The following GPRIN3 variants were observed in gnomAD, a reference collection of about 807,000 sequenced individuals.
GPRIN3 encodes the protein GPRIN family member 3.
In GPRIN3, 12 loss-of-function variants were observed where a neutral mutation model predicts 13.7. That is an observed-to-expected ratio of 0.87 (90% confidence interval 0.56 to 1.42). The LOEUF (loss-of-function observed/expected upper bound fraction) is 1.42, where lower values mean the gene tolerates loss of function less well. GPRIN3 is among the 40% of genes most tolerant of loss of function. The probability of loss-of-function intolerance (pLI) is 0.00; values close to 1 mark genes in which losing one functional copy is unlikely to be tolerated. For synonymous variants in GPRIN3, 377 were observed against 372.7 expected, an observed-to-expected ratio of 1.01 and a Z score of -0.13; for missense variants, 1,009 against 958.7, an observed-to-expected ratio of 1.05 and a Z score of -0.69.
chr4:89,249,685 C>A lies in GPRIN3; in HGVS notation c.426G>T (p.Gln142His). 1 of 1,614,128 alleles carries A rather than the reference C, an allele frequency of 6.2e-7. No individual in the cohort carries two copies. The highest frequency in any genetic ancestry group is 8.5e-7 in the Non-Finnish European group (1 of 1,179,970). The change falls in exon 2 of 2, where the codon CAG (glutamine) becomes CAT (histidine). Residue 142 changes from glutamine to histidine, a missense_variant. Transcript: ENST00000609438. Reference sequence around the variant, plus strand: ...GCATGGATGAGGTGATGGCATTGGGCTGATCACCTGGGATGGACTGGCAGG... The same window carrying A: ...GCATGGATGAGGTGATGGCATTGGGATGATCACCTGGGATGGACTGGCAGG... ...QHTCQSIPGD[Q>H]PNAITSSMPE...
At chr4:89,274,835 G>A (rs1724049018) in intron 1 of GPRIN3, among the ~76,000 whole-genome samples, 2 of 152,172 alleles carry the variant, frequency 1.3e-5, no homozygotes, top group South Asian at 2.1e-4. Flanking sequence ...ACATTTGTCA[G>A]CAATTGTCTC....
At chr4:89,276,685 T>C (rs1401028986) in intron 1 of GPRIN3, among the ~76,000 whole-genome samples, 1 of 152,206 alleles carries the variant, frequency 6.6e-6, no homozygotes, top group African/African-American at 2.4e-5. Flanking sequence ...CTATTATTCT[T>C]GTCAGGCCTA....
intron 1 of GPRIN3, among the ~76,000 whole-genome samples, chr4:89,290,820 G>C (rs1170002538): frequency 6.6e-6 from 1 of 152,102 alleles, no homozygotes; most frequent in Non-Finnish European, 1.5e-5. Flanking sequence ...CAGCTTCTGT[G>C]AGTATGAGGT....
At chr4:89,270,012 A>G (rs1031076080) in intron 1 of GPRIN3, among the ~76,000 whole-genome samples, 2 of 152,224 alleles carry the variant, frequency 1.3e-5, no homozygotes, top group African/African-American at 4.8e-5. Flanking sequence ...TAGCTTGAGT[A>G]TCTTTAATTC....
chr4:89,238,503 G>T lies in GPRIN3; in HGVS notation c.*9277C>A, dbSNP rs1376747988. On this transcript the variant is annotated 3_prime_UTR_variant, in exon 2 of 2. Coordinates refer to ENST00000609438, the MANE Select transcript of GPRIN3 (RefSeq NM_198281.3). ...GCCTGGACAATAAGGCAATCTAAGC[G>T]CCCTGGACCCCTACCCAGCTCTGTT... 6.6e-6 allele frequency: 1 copy of T among 151,922 alleles called. No homozygotes were observed. Among genetic ancestry groups the T allele is most frequent in the African/African-American group, 2.4e-5 (1 of 41,286 alleles). 9.4% of individuals were successfully genotyped at this position (151,922 alleles called of 1,614,324 possible). A position where few individuals can be genotyped will look rare whatever the true frequency, so the allele number is the denominator to read the frequency against.
intron 1 of GPRIN3, among the ~76,000 whole-genome samples, chr4:89,263,628 C>T (rs895695148): frequency 1.3e-5 from 2 of 152,276 alleles, no homozygotes; most frequent in South Asian, 2.1e-4. Flanking sequence ...CCTGAATTTT[C>T]GTGGCTGTAG....
intron 1 of GPRIN3, among the ~76,000 whole-genome samples, chr4:89,252,944 C>A (rs912910196): frequency 6.7e-6 from 1 of 149,758 alleles, no homozygotes; most frequent in African/African-American, 2.5e-5. Context: ...TTCAAGGCCC[C>A]ACTTAAATCC....
intron 1 of GPRIN3, among the ~76,000 whole-genome samples, chr4:89,275,831 C>T (rs1044583514): frequency 6.6e-5 from 10 of 152,094 alleles, no homozygotes; most frequent in South Asian, 2.1e-4. Context: ...TCTGGGATAC[C>T]GATCAGATGG....
intron 1 of GPRIN3, among the ~76,000 whole-genome samples, chr4:89,304,190 T>A (rs188252522): frequency 6.6e-6 from 1 of 152,308 alleles, no homozygotes; most frequent in African/African-American, 2.4e-5. Flanking sequence ...AAATTGTAAG[T>A]CTTGCCTTCC....
At position 89,249,307 on chromosome 4, in the gene GPRIN3, G is replaced by A; in HGVS notation, c.804C>T (p.Thr268=). The A allele has an allele frequency of 1.2e-6, 2 of 1,614,086 alleles. No individual in the cohort carries two copies. The highest frequency in any genetic ancestry group is 1.1e-5 in the South Asian group (1 of 91,078). ...QGTTSVTPQP[T]PLTSEPSACP... is the part of the protein sequence containing the mutation. ...ATGCCGAAGGTTCGCTAGTGAGGGG[G>A]GTTGGTTGAGGTGTCACAGAAGTTG... The change falls in exon 2 of 2, where the codon ACC becomes ACT. Residue 268 remains threonine (T), a synonymous_variant. Transcript: ENST00000609438.
At chr4:89,261,226 T>C (rs1561195829) in intron 1 of GPRIN3, among the ~76,000 whole-genome samples, 1 of 152,124 alleles carries the variant, frequency 6.6e-6, no homozygotes, top group Non-Finnish European at 1.5e-5. Flanking sequence ...GAAAGGAGGA[T>C]TGTCCTATGC....
chr4:89,285,351 T>TAA (rs5860164), intron 1 of GPRIN3, among the ~76,000 whole-genome samples: 15 of 150,732 alleles, frequency 1.0e-4, no homozygotes, highest in East Asian at 5.8e-4. Context: ...GTATAATAAT[T>TAA]AAAAAAAAAG....
At chr4:89,269,813 G>A (rs779635328) in intron 1 of GPRIN3, among the ~76,000 whole-genome samples, 81 of 152,204 alleles carry the variant, frequency 5.3e-4, no homozygotes, top group Non-Finnish European at 8.7e-4. Flanking sequence ...GCACATAACC[G>A]GTGCTCAAAA....
chr4:89,285,728 A>C (rs960865957), intron 1 of GPRIN3, among the ~76,000 whole-genome samples: 19 of 152,176 alleles, frequency 1.2e-4, no homozygotes, highest in African/African-American at 4.3e-4. Flanking sequence ...TCTGTAAACA[A>C]ACTGAAACTG....
intron 1 of GPRIN3, among the ~76,000 whole-genome samples, chr4:89,303,627 AG>A (rs1724958481): frequency 1.3e-4 from 4 of 31,470 alleles, no homozygotes; most frequent in Non-Finnish European, 2.9e-4. Context: ...GAAGATGATC[AG>A]GGGAGGAAAA....
intron 1 of GPRIN3, among the ~76,000 whole-genome samples, chr4:89,274,796 G>A (rs1724048268): frequency 1.3e-5 from 2 of 152,194 alleles, no homozygotes; most frequent in Admixed American, 6.5e-5. Context: ...CTGGGATGAT[G>A]CTGTGGGTGG....
chr4:89,282,583 A>C (rs980314864), intron 1 of GPRIN3, among the ~76,000 whole-genome samples: 16 of 141,346 alleles, frequency 1.1e-4, no homozygotes, highest in African/African-American at 3.9e-4. Flanking sequence ...AACATATGTG[A>C]TTTTTTTGCA....
At position 89,239,335 on chromosome 4, in the gene GPRIN3, C is replaced by G. The variant is rs34115916; in HGVS notation, c.*8445G>C. The G allele has an allele frequency of 6.6e-6, 1 of 151,760 alleles. No homozygotes were observed. Among genetic ancestry groups the G allele is most frequent in the African/African-American group, 2.4e-5 (1 of 41,332 alleles). The allele number at this position is 151,760 out of a possible 1,614,324, so 9.4% of individuals were successfully genotyped here. On this transcript the variant is annotated 3_prime_UTR_variant, in exon 2 of 2. Coordinates refer to ENST00000609438, the MANE Select transcript of GPRIN3 (RefSeq NM_198281.3). ...AGTTATAATTTTTCTGGGTATTATT[C>G]AAATTAATACACATCTTTCAAAAAT...
chr4:89,260,391 A>G (rs992481841), intron 1 of GPRIN3, among the ~76,000 whole-genome samples: 3 of 152,208 alleles, frequency 2.0e-5, no homozygotes. Context: ...TGCTGGGGCC[A>G]CAATCTTCAG....
Sources: gnomAD v4.1 joint callset for allele counts (sites outside exome capture counted in the v4.1 genomes callset) on GRCh38, gnomAD v4.1.1 for gene constraint, MANE v1.5 for transcripts, NCBI Gene and HGNC (gene_info 2026-07-23, HGNC 2026-07-21) for gene names.